Variants in FRMD5 observed in about 807,000 individuals in gnomAD.
FRMD5 encodes FERM domain containing 5.
FRMD5 carries 20 observed loss-of-function variants against 69.0 expected under a neutral mutation model. That is an observed-to-expected ratio of 0.29 (90% CI 0.20 to 0.42). The LOEUF (loss-of-function observed/expected upper bound fraction) is 0.42, where lower values mean the gene tolerates loss of function less well. FRMD5 is among the 10% of genes least tolerant of loss of function. FRMD5 has a pLI of 1.00. For missense variants in FRMD5, 595 were observed against 708.6 expected (o/e 0.84, Z 1.82); for synonymous variants, 271 against 260.1 (o/e 1.04, Z -0.40).
chr15:43,979,085 C>A (rs185299128), intron 1 of FRMD5, among the ~76,000 whole-genome samples: 90 of 152,156 alleles, frequency 5.9e-4, no homozygotes, highest in African/African-American at 1.8e-3. Flanking sequence ...TGTCTTTAAT[C>A]TCAGCACTTT....
At chr15:43,921,377 G>T (rs991185102) in intron 2 of FRMD5, among the ~76,000 whole-genome samples, 1 of 152,154 alleles carries the variant, frequency 6.6e-6, no homozygotes, top group Non-Finnish European at 1.5e-5. Context: ...ATCAGCAGAG[G>T]GCAGATAAAG....
In FRMD5 at chr15:44,012,043, G is replaced by A. The variant is rs1890744105; in HGVS notation, c.103-87734C>T. Among the ~76,000 whole-genome samples, 4 of 152,090 alleles carry A rather than the reference G, an allele frequency of 2.6e-5. No homozygotes were observed. The South Asian group carries it at 8.3e-4, about 32-fold the overall frequency. On this transcript the variant is annotated intron_variant, in intron 1 of 13. Transcript: ENST00000417257. Reference sequence around the variant, plus strand: ...TGCTTGACTCTTCTTTTTCCTTCCTGAACTCACCATCTGTTCACTTTCACT... The same window carrying A: ...TGCTTGACTCTTCTTTTTCCTTCCTAAACTCACCATCTGTTCACTTTCACT...
chr15:43,925,783 C>T (rs761564742), intron 1 of FRMD5, among the ~76,000 whole-genome samples: 9 of 152,180 alleles, frequency 5.9e-5, no homozygotes, highest in Non-Finnish European at 1.2e-4. Context: ...TTCCCTCTGC[C>T]GGGAATGTTC....
At chr15:44,165,673 A>C (rs557370132) in intron 1 of FRMD5, among the ~76,000 whole-genome samples, 1 of 151,902 alleles carries the variant, frequency 6.6e-6, no homozygotes, top group African/African-American at 2.4e-5. Flanking sequence ...CCATCTCTAC[A>C]AAAAATACAA....
chr15:44,166,703 A>G (rs1357290881), intron 1 of FRMD5, among the ~76,000 whole-genome samples: 2 of 150,762 alleles, frequency 1.3e-5, no homozygotes, highest in African/African-American at 4.9e-5. Flanking sequence ...AGAATGGTTT[A>G]AACCCGGGAG....
intron 1 of FRMD5, among the ~76,000 whole-genome samples, chr15:43,966,690 C>A (rs1359525797): frequency 2.0e-5 from 3 of 152,054 alleles, no homozygotes; most frequent in Non-Finnish European, 2.9e-5. Flanking sequence ...AGAAAGAAAG[C>A]CTTTTGCTCA....
intron 1 of FRMD5, among the ~76,000 whole-genome samples, chr15:44,179,360 A>T (rs1301527565): frequency 2.0e-5 from 3 of 152,240 alleles, no homozygotes; most frequent in Admixed American, 2.0e-4. Flanking sequence ...CTGATCCTAA[A>T]AGAAGTGCCT....
At chr15:44,026,307 T>G (rs1891426528) in intron 1 of FRMD5, among the ~76,000 whole-genome samples, 2 of 152,246 alleles carry the variant, frequency 1.3e-5, no homozygotes, top group African/African-American at 4.8e-5. Context: ...GAAACAAATT[T>G]CATTCAGTAT....
upstream of FRMD5, among the ~76,000 whole-genome samples, chr15:44,196,657 C>A (rs1415211545): frequency 6.6e-6 from 1 of 150,686 alleles, no homozygotes; most frequent in Non-Finnish European, 1.5e-5. Context: ...ATGCTTCTTC[C>A]CTAGTGTCTT....
intron 1 of FRMD5, among the ~76,000 whole-genome samples, chr15:44,156,753 A>G (rs970350991): frequency 6.6e-6 from 1 of 152,082 alleles, no homozygotes; most frequent in African/African-American, 2.4e-5. Flanking sequence ...CACCCATTAT[A>G]TGTTTGGTGC....
At chr15:43,889,638 AC>A (rs1327014554) in intron 8 of FRMD5, among the ~76,000 whole-genome samples, 6 of 151,938 alleles carry the variant, frequency 3.9e-5, no homozygotes, top group Non-Finnish European at 7.4e-5. Flanking sequence ...CTCCACATCC[AC>A]CTCCTGCTCT....
At chr15:44,076,723 TG>T (rs1893786762) in intron 1 of FRMD5, among the ~76,000 whole-genome samples, 1 of 150,584 alleles carries the variant, frequency 6.6e-6, no homozygotes, top group African/African-American at 2.4e-5. Context: ...TGTATACATA[TG>T]TAACTAACCT....
At chr15:44,114,119 G>A (rs2706481) in intron 1 of FRMD5, among the ~76,000 whole-genome samples, 125,241 of 152,048 alleles carry the variant, frequency 0.82, 54,408 homozygotes, top group Non-Finnish European at 0.95. Context: ...ATATAAAGAC[G>A]TAACCTAATG....
chr15:44,143,337 A>G (rs1258858727), intron 1 of FRMD5, among the ~76,000 whole-genome samples: 1 of 151,998 alleles, frequency 6.6e-6, no homozygotes, highest in East Asian at 1.9e-4. Context: ...TGAGCACCTA[A>G]GAGACTTACT....
intron 1 of FRMD5, among the ~76,000 whole-genome samples, chr15:44,025,519 C>CAACT (rs1372188081): frequency 1.3e-5 from 2 of 152,108 alleles, no homozygotes; most frequent in African/African-American, 4.8e-5. Context: ...AGTATAGGAA[C>CAACT]AACTGAGTAA....
At chr15:43,935,863 G>A (rs1221785299) in intron 1 of FRMD5, among the ~76,000 whole-genome samples, 4 of 152,206 alleles carry the variant, frequency 2.6e-5, no homozygotes, top group Non-Finnish European at 5.9e-5. Context: ...GCCAAAAAGT[G>A]GATGGAAAAC....
chr15:43,964,484 CA>C (rs1460708975), intron 1 of FRMD5, among the ~76,000 whole-genome samples: 1 of 112,514 alleles, frequency 8.9e-6, no homozygotes, highest in Non-Finnish European at 1.8e-5. Context: ...CTGTTTCAAA[CA>C]AACAAACAAA....
rs1193964038 is a variant in FRMD5, at chr15:44,041,033, A to T, written c.103-116724T>A. On this transcript the variant is annotated intron_variant, in intron 1 of 13. Coordinates refer to ENST00000417257, the MANE Select transcript of FRMD5 (RefSeq NM_032892.5). ...AAAAAAAAAAAAAAAAAAAAAAAAAAGCAGGGGTTGCAATCCTAGTTTCTG... is the reference window on the plus strand; with the variant it reads ...AAAAAAAAAAAAAAAAAAAAAAAAATGCAGGGGTTGCAATCCTAGTTTCTG... Among the ~76,000 whole-genome samples, 4 of 116,626 alleles carry T rather than the reference A, an allele frequency of 3.4e-5. No homozygotes were observed. The Admixed American group carries it at 4.1e-4, about 12-fold the overall frequency. The allele number at this position is 116,626 out of a possible 152,430, so 76.5% of individuals were successfully genotyped here. A position where few individuals can be genotyped will look rare whatever the true frequency, so the allele number is the denominator to read the frequency against.
intron 1 of FRMD5, among the ~76,000 whole-genome samples, chr15:44,000,393 T>C (rs1890158345): frequency 6.6e-6 from 1 of 152,096 alleles, no homozygotes; most frequent in Admixed American, 6.6e-5. Context: ...AGTGCAGACA[T>C]CTCTTCAACT....
Sources: gnomAD v4.1 joint callset for allele counts (sites outside exome capture counted in the v4.1 genomes callset) on GRCh38, gnomAD v4.1.1 for gene constraint, MANE v1.5 for transcripts, NCBI Gene and HGNC (gene_info 2026-07-23, HGNC 2026-07-21) for gene names.